The following SYNPR variants were observed in gnomAD, a reference collection of about 807,000 sequenced individuals.
SYNPR encodes synaptoporin.
A neutral mutation model predicts 32.9 loss-of-function variants in SYNPR; 23 were observed. The observed-to-expected ratio is 0.70, with a 90% CI of 0.50 to 0.99. SYNPR has a LOEUF of 0.99. SYNPR is among the 50% of genes least tolerant of loss of function. The pLI is 0.00. For missense variants in SYNPR, 318 were observed against 349.3 expected (o/e 0.91, Z 0.71); for synonymous variants, 146 against 135.9 (o/e 1.07, Z -0.52).
Position 63,296,682 on chromosome 3 carries a change from A to G in SYNPR, c.84+17940A>G, listed in dbSNP as rs528783362. Among the ~76,000 whole-genome samples the G allele has an allele frequency of 7.9e-5, 12 of 152,342 alleles. No homozygotes were observed. In the East Asian group the frequency reaches 2.1e-3, roughly 27 times the overall value. ...GCAATAAAAGTTGAGTTAGTAATAC[A>G]GCTTCAGGTACCATGTAATGTACTG... is the stretch of plus-strand genomic sequence containing the variant. On this transcript the variant is annotated intron_variant, in intron 2 of 5. Transcript: ENST00000478300.
intron 2 of SYNPR, among the ~76,000 whole-genome samples, chr3:63,337,691 A>G (rs2087312851): frequency 6.6e-6 from 1 of 152,238 alleles, no homozygotes; most frequent in African/African-American, 2.4e-5. Flanking sequence ...TAAAAAACAA[A>G]TATCAATTAA....
chr3:63,375,315 C>T (rs914325709), intron 2 of SYNPR, among the ~76,000 whole-genome samples: 6 of 152,178 alleles, frequency 3.9e-5, no homozygotes, highest in African/African-American at 9.7e-5. Flanking sequence ...AGACTTGGAA[C>T]CAACCCAAAT....
At chr3:63,423,427 C>T (rs2107134410) in intron 2 of SYNPR, among the ~76,000 whole-genome samples, 1 of 152,314 alleles carries the variant, frequency 6.6e-6, no homozygotes, top group East Asian at 1.9e-4. Context: ...GGACTCAAAT[C>T]AGTCTCCCTC....
chr3:63,220,596 G>C, the SYNPR span, among the ~76,000 whole-genome samples: 1 of 152,258 alleles, frequency 6.6e-6, no homozygotes, highest in African/African-American at 2.4e-5. Context: ...TGGGATTTCT[G>C]GTGCCGTGAA....
At chr3:63,409,936 G>C (rs1324939272) in intron 2 of SYNPR, among the ~76,000 whole-genome samples, 1 of 152,110 alleles carries the variant, frequency 6.6e-6, no homozygotes, top group Non-Finnish European at 1.5e-5. Flanking sequence ...CTCTTTCCCT[G>C]TGCCCCAACA....
At chr3:63,436,134 A>G (rs9826095) in intron 2 of SYNPR, among the ~76,000 whole-genome samples, 3,360 of 152,002 alleles carry the variant, frequency 0.022, 102 homozygotes, top group African/African-American at 0.069. Context: ...CAACTTTCTC[A>G]TGGATTTGAG....
chr3:63,331,020 C>T (rs1392035476), intron 2 of SYNPR, among the ~76,000 whole-genome samples: 7 of 152,328 alleles, frequency 4.6e-5, no homozygotes, highest in Admixed American at 2.0e-4. Flanking sequence ...GGTAACTGAA[C>T]TCTGATTCTT....
intron 1 of SYNPR, among the ~76,000 whole-genome samples, chr3:63,244,788 G>A (rs929981056): frequency 6.6e-6 from 1 of 152,078 alleles, no homozygotes; most frequent in Non-Finnish European, 1.5e-5. Context: ...ATAGTGGAAT[G>A]TAAAAATAGC....
At chr3:63,244,720 A>G (rs1285545732) in intron 1 of SYNPR, among the ~76,000 whole-genome samples, 1 of 152,130 alleles carries the variant, frequency 6.6e-6, no homozygotes, top group Admixed American at 6.6e-5. Context: ...AGGACTATCA[A>G]TCTATTGAGC....
intron 2 of SYNPR, among the ~76,000 whole-genome samples, chr3:63,340,820 T>C (rs538153721): frequency 6.6e-6 from 1 of 152,354 alleles, no homozygotes; most frequent in East Asian, 1.9e-4. Flanking sequence ...TTCCCTATTA[T>C]TAACATCTTG....
chr3:63,556,322 T>C (rs756252349), intron 3 of SYNPR, among the ~76,000 whole-genome samples: 19 of 152,288 alleles, frequency 1.2e-4, no homozygotes, highest in Middle Eastern at 3.4e-3. Context: ...TACCTAAGGG[T>C]GACTAGCTGT....
At chr3:63,286,664 CT>C (rs1426871562) in intron 2 of SYNPR, among the ~76,000 whole-genome samples, 1 of 152,154 alleles carries the variant, frequency 6.6e-6, no homozygotes, top group Non-Finnish European at 1.5e-5. Context: ...GAACCACGGT[CT>C]TCCTTTGAGT....
rs2086596097 is a variant in SYNPR at position 63,278,406 on chromosome 3, C to G, written c.-128C>G. 7.9e-7 allele frequency: 1 copy of G among 1,268,648 alleles called. No homozygotes were observed. The highest frequency in any genetic ancestry group is 2.6e-5 in the East Asian group (1 of 38,754). 78.6% of individuals were successfully genotyped at this position (1,268,648 alleles called of 1,614,324 possible). On this transcript the variant is annotated 5_prime_UTR_variant, in exon 1 of 6. Transcript: ENST00000478300. ...GCTCCCCGAGGCCCCCTGCCCTCGC[C>G]GGGCTGCTCCAGGGTGTCGCTCCTC...
At chr3:63,444,082 G>A (rs1393352409) in intron 2 of SYNPR, among the ~76,000 whole-genome samples, 1 of 152,218 alleles carries the variant, frequency 6.6e-6, no homozygotes, top group Non-Finnish European at 1.5e-5. Flanking sequence ...ACAATCACAA[G>A]TGGCTGTTGC....
At chr3:63,459,378 A>G (rs756992960) in intron 2 of SYNPR, among the ~76,000 whole-genome samples, 1 of 152,090 alleles carries the variant, frequency 6.6e-6, no homozygotes, top group Non-Finnish European at 1.5e-5. Flanking sequence ...TTCCTTCTGC[A>G]CAGAGCCAAA....
intron 3 of SYNPR, among the ~76,000 whole-genome samples, chr3:63,554,051 C>T (rs906938259): frequency 6.6e-6 from 1 of 152,126 alleles, no homozygotes; most frequent in African/African-American, 2.4e-5. Flanking sequence ...GTGTCTACAT[C>T]TTTTGCTCAT....
At chr3:63,407,525 A>G (rs1057473505) in intron 2 of SYNPR, among the ~76,000 whole-genome samples, 5 of 152,202 alleles carry the variant, frequency 3.3e-5, no homozygotes, top group Non-Finnish European at 2.9e-5. Flanking sequence ...TATTCCATTT[A>G]AAGTGTTTAA....
At chr3:63,449,157 A>G (rs914228514) in intron 2 of SYNPR, among the ~76,000 whole-genome samples, 1 of 152,222 alleles carries the variant, frequency 6.6e-6, no homozygotes, top group Admixed American at 6.5e-5. Context: ...AAGATAAAGA[A>G]TAAACAGAGA....
chr3:63,410,162 C>A (rs1255428742), intron 2 of SYNPR, among the ~76,000 whole-genome samples: 1 of 152,166 alleles, frequency 6.6e-6, no homozygotes, highest in Non-Finnish European at 1.5e-5. Flanking sequence ...TTTATTCATT[C>A]AACAGGCAAT....
Sources: allele counts gnomAD v4.1 joint callset (sites outside exome capture counted in the v4.1 genomes callset), GRCh38; gene constraint gnomAD v4.1.1; transcripts MANE v1.5; gene names NCBI Gene and HGNC (gene_info 2026-07-23, HGNC 2026-07-21).